The following RBFOX1 variants were observed in gnomAD, a reference collection of about 807,000 sequenced individuals.
RBFOX1 encodes RNA binding protein fox-1 homolog 1.
Under a neutral mutation model 57.7 loss-of-function variants are expected in RBFOX1, and 8 were observed. That is an observed-to-expected ratio of 0.14 (90% CI 0.08 to 0.25). The LOEUF (loss-of-function observed/expected upper bound fraction) is 0.25, where lower values mean the gene tolerates loss of function less well. Ranked by LOEUF, RBFOX1 falls within the 10% of genes least tolerant of loss-of-function variation. The pLI, the probability that RBFOX1 is intolerant of heterozygous loss-of-function variation, is 1.00. For missense variants in RBFOX1, 611 were observed against 548.5 expected (o/e 1.11, Z -1.14); for synonymous variants, 326 against 222.4 (o/e 1.47, Z -4.15).
chr16:6,400,404 T>C (rs902908386), intron 2 of RBFOX1, among the ~76,000 whole-genome samples: 2 of 152,170 alleles, frequency 1.3e-5, no homozygotes, highest in African/African-American at 2.4e-5. Flanking sequence ...TTGGACTGAA[T>C]GATGATATCT....
At chr16:6,866,352 A>G (rs187015328) in intron 3 of RBFOX1, among the ~76,000 whole-genome samples, 7 of 152,146 alleles carry the variant, frequency 4.6e-5, no homozygotes, top group African/African-American at 1.7e-4. Context: ...TTACAGTGTA[A>G]TAATGGAACT....
intron 3 of RBFOX1, among the ~76,000 whole-genome samples, chr16:6,809,367 G>A (rs1202978070): frequency 1.3e-5 from 2 of 152,120 alleles, no homozygotes; most frequent in African/African-American, 4.8e-5. Context: ...GCCAGCCACT[G>A]TGCCAGACAC....
intron 1 of RBFOX1, among the ~76,000 whole-genome samples, chr16:5,391,874 GGT>G (rs747794354): frequency 3.1e-4 from 39 of 125,840 alleles, no homozygotes; most frequent in African/African-American, 1.0e-3. Context: ...AAGAAACTAT[GGT>G]GTGTGTGTGT....
intron 2 of RBFOX1, among the ~76,000 whole-genome samples, chr16:6,322,166 A>T (rs1468540726): frequency 2.0e-5 from 3 of 152,132 alleles, no homozygotes; most frequent in Non-Finnish European, 4.4e-5. Context: ...TGCTCCAGGG[A>T]CTTCTTACTT....
At chr16:5,937,947 G>C (rs971896371) in intron 4 of RBFOX1, among the ~76,000 whole-genome samples, 5 of 151,952 alleles carry the variant, frequency 3.3e-5, no homozygotes, top group Non-Finnish European at 5.9e-5. Context: ...TACAACAGGA[G>C]TAACATCCAT....
At chr16:7,681,230 G>C (rs375598188) in intron 14 of RBFOX1, among the ~76,000 whole-genome samples, 2 of 152,132 alleles carry the variant, frequency 1.3e-5, no homozygotes, top group South Asian at 4.2e-4. Flanking sequence ...ATGGGTGAAG[G>C]ATGGGTAGAT....
At chr16:5,318,918 G>A (rs187771706) in intron 1 of RBFOX1, among the ~76,000 whole-genome samples, 3 of 152,166 alleles carry the variant, frequency 2.0e-5, no homozygotes, top group Admixed American at 2.0e-4. Context: ...AGATGATGAG[G>A]TTAGGACTTT....
At chr16:7,165,233 C>G (rs76170857) in intron 4 of RBFOX1, among the ~76,000 whole-genome samples, 1 of 151,776 alleles carries the variant, frequency 6.6e-6, no homozygotes, top group Non-Finnish European at 1.5e-5. Context: ...GACATGCAGT[C>G]GTGAGGTTGT....
intron 2 of RBFOX1, among the ~76,000 whole-genome samples, chr16:6,383,010 G>A (rs1217608787): frequency 6.6e-6 from 1 of 152,216 alleles, no homozygotes; most frequent in Non-Finnish European, 1.5e-5. Flanking sequence ...TGCAGAGGCA[G>A]CGAAATCCTA....
intron 3 of RBFOX1, among the ~76,000 whole-genome samples, chr16:6,841,738 C>A (rs1177222820): frequency 6.6e-6 from 1 of 152,056 alleles, no homozygotes; most frequent in African/African-American, 2.4e-5. Flanking sequence ...GGATGTGGTC[C>A]CACCTCTACT....
intron 2 of RBFOX1, among the ~76,000 whole-genome samples, chr16:6,641,836 C>G (rs1037249498): frequency 6.6e-6 from 1 of 151,468 alleles, no homozygotes; most frequent in East Asian, 1.9e-4. Context: ...TTGCTCCCTC[C>G]TCGCTAACGT....
chr16:7,248,814 C>G (rs186965988), intron 4 of RBFOX1, among the ~76,000 whole-genome samples: 291 of 152,226 alleles, frequency 1.9e-3, no homozygotes, highest in African/African-American at 5.9e-3. Flanking sequence ...ATAACAGTTG[C>G]CTTTTTGAGT....
chr16:6,562,852 C>CTTTTTTTTTTTTTT (rs2097197819), intron 2 of RBFOX1, among the ~76,000 whole-genome samples: 1 of 43,622 alleles, frequency 2.3e-5, no homozygotes, highest in African/African-American at 1.7e-4. Context: ...TTCTTTCTTT[C>CTTTTTTTTTTTTTT]TTTCTTTCTT....
chr16:5,443,512 G>A (rs953104675), intron 1 of RBFOX1, among the ~76,000 whole-genome samples: 1 of 152,084 alleles, frequency 6.6e-6, no homozygotes, highest in Non-Finnish European at 1.5e-5. Flanking sequence ...TAATATTTTT[G>A]TATTTTTAAT....
At chr16:7,623,435 G>C (rs1451519086) in intron 10 of RBFOX1, among the ~76,000 whole-genome samples, 1 of 152,222 alleles carries the variant, frequency 6.6e-6, no homozygotes, top group Non-Finnish European at 1.5e-5. Context: ...ATGGGAGGCA[G>C]TGACGGATCA....
chr16:6,527,711 C>G (rs143187570), intron 2 of RBFOX1, among the ~76,000 whole-genome samples: 41 of 152,218 alleles, frequency 2.7e-4, no homozygotes, highest in African/African-American at 8.2e-4. Context: ...CCTCCTGAGT[C>G]AGAGCCTGAA....
chr16:7,588,015 C>G (rs1254952496), intron 7 of RBFOX1, among the ~76,000 whole-genome samples: 2 of 152,026 alleles, frequency 1.3e-5, no homozygotes, highest in African/African-American at 4.8e-5. Flanking sequence ...CTCGTCTTTA[C>G]TAAAAATACA....
At chr16:6,378,149 G>C (rs1319458044) in intron 2 of RBFOX1, among the ~76,000 whole-genome samples, 1 of 152,238 alleles carries the variant, frequency 6.6e-6, no homozygotes, top group Non-Finnish European at 1.5e-5. Context: ...TCAGCTACCA[G>C]AGCTTCTGTT....
intron 3 of RBFOX1, among the ~76,000 whole-genome samples, chr16:7,000,344 C>A (rs929225327): frequency 6.6e-6 from 1 of 151,994 alleles, no homozygotes; most frequent in South Asian, 2.1e-4. Flanking sequence ...TTAGTCGATA[C>A]ATCTCTCAAG....
Sources: gnomAD v4.1 joint callset for allele counts (sites outside exome capture counted in the v4.1 genomes callset) on GRCh38, gnomAD v4.1.1 for gene constraint, MANE v1.5 for transcripts, NCBI Gene and HGNC (gene_info 2026-07-23, HGNC 2026-07-21) for gene names.